Variants in SKI observed in about 807,000 individuals in gnomAD.
SKI encodes ski oncogene.
Under a neutral mutation model 59.3 loss-of-function variants are expected in SKI, and 23 were observed. The observed-to-expected ratio is 0.39, with a 90% confidence interval of 0.28 to 0.55. SKI has a LOEUF of 0.55. Among genes scored for constraint, SKI ranks in the 20% least tolerant of loss-of-function variants. SKI has a pLI of 0.67. For missense variants in SKI, 1,017 were observed against 1,038.9 expected, an observed-to-expected ratio of 0.98 and a Z score of 0.29; for synonymous variants, 673 against 488.6, an observed-to-expected ratio of 1.38 and a Z score of -4.98.
In SKI at chr1:2,228,807, A is replaced by G; in HGVS notation, c.41A>G (p.His14Arg). ...GGCGGCCGCGGCTGTTTCCAGCCGC[A>G]CCCGGGGCTGCAGAAGACGCTGGAG... ...AAGGRGCFQPHPGLQKTLEQF... is the reference protein window; with the variant it reads ...AAGGRGCFQPRPGLQKTLEQF... Residue 14 changes from histidine to arginine, a missense_variant, in exon 1 of 7, where the codon CAC (histidine) becomes CGC (arginine). Transcript: ENST00000378536. 7.6e-7 allele frequency: 1 copy of G among 1,321,764 alleles called. No individual in the cohort carries two copies. 81.9% of individuals were successfully genotyped at this position (1,321,764 alleles called of 1,614,324 possible).
intron 1 of SKI, among the ~76,000 whole-genome samples, chr1:2,293,431 C>T (rs1237963554): frequency 4.6e-5 from 7 of 151,312 alleles, no homozygotes; most frequent in Non-Finnish European, 1.0e-4. Flanking sequence ...GGCGAGGCCC[C>T]CCCCCAACAT....
rs372843926 is a variant in SKI at position 2,283,108 on chromosome 1, C to T, written c.970-19870C>T. 2.5e-3 allele frequency among the ~76,000 whole-genome samples: 385 copies of T among 152,312 alleles called. 3 individuals are homozygous for T. The highest frequency in any genetic ancestry group is 8.8e-3 in the African/African-American group (364 of 41,576). On this transcript the variant is annotated intron_variant, in intron 1 of 6. Transcript: ENST00000378536. ...TGACCCCACGCCATGGCCAGGGAGG[C>T]GCCCCCACCCGGCCCAACCGCCTTT...
intron 1 of SKI, among the ~76,000 whole-genome samples, chr1:2,289,312 C>G (rs552501372): frequency 6.6e-6 from 1 of 152,184 alleles, no homozygotes; most frequent in Non-Finnish European, 1.5e-5. Context: ...GTCTTCATCC[C>G]TCTTCGGTGA....
At position 2,245,831 on chromosome 1, in the gene SKI, C is replaced by G. The variant is rs1215718951; in HGVS notation, c.969+16096C>G. Among the ~76,000 whole-genome samples the G allele has an allele frequency of 5.2e-5, 6 of 114,948 alleles. No individual in the cohort carries two copies. In the East Asian group the frequency reaches 1.2e-3, roughly 24 times the overall value. 75.4% of individuals were successfully genotyped at this position (114,948 alleles called of 152,430 possible). A position where few individuals can be genotyped will look rare whatever the true frequency, so the allele number is the denominator to read the frequency against. On this transcript the variant is annotated intron_variant, in intron 1 of 6. Transcript: ENST00000378536. ...TTTTTTTTTGAGGCAGGGTCTCACT[C>G]TGTTGCCCAGGCCAGAGTGCGGTGG...
rs1313577366 is a variant in SKI, at chr1:2,295,295, G to GAGGGCCGT, written c.970-7683_970-7682insAGGGCCGT. Among the ~76,000 whole-genome samples the GAGGGCCGT allele has an allele frequency of 5.9e-5, 9 of 152,362 alleles. No individual in the cohort carries two copies. The East Asian group carries it at 1.3e-3, about 23-fold the overall frequency. The stretch of plus-strand genomic sequence containing the variant: ...GGCTCCCAGGCATCTCATCCTGTCT[G>GAGGGCCGT]GCTCTGAGGGCCGTGCTGCAGTGAA... On this transcript the variant is annotated intron_variant, in intron 1 of 6. Transcript: ENST00000378536.
chr1:2,263,948 G>GGA (rs993492330), intron 1 of SKI, among the ~76,000 whole-genome samples: 3 of 151,788 alleles, frequency 2.0e-5, no homozygotes, highest in African/African-American at 7.3e-5. Context: ...GGCCAAGGCA[G>GGA]GAGGATCCCT....
At chr1:2,257,782 A>G (rs1440940502) in intron 1 of SKI, among the ~76,000 whole-genome samples, 1 of 152,140 alleles carries the variant, frequency 6.6e-6, no homozygotes, top group Admixed American at 6.6e-5. Flanking sequence ...CTTGTTGCCC[A>G]GGCTGGAGTG....
chr1:2,308,824 G>C lies in SKI; in HGVS notation c.*2059G>C, dbSNP rs1329264846. ...ATGAGCTTTTCCAAGCTGTGTCTGG[G>C]CCAGAGCCTCTCCTTGCCCTTGCTC... On this transcript the variant is annotated 3_prime_UTR_variant, in exon 7 of 7. Coordinates refer to ENST00000378536, the MANE Select transcript of SKI (RefSeq NM_003036.4). 1 of 152,208 alleles carries C rather than the reference G, an allele frequency of 6.6e-6. No homozygotes were observed. The highest frequency in any genetic ancestry group is 1.5e-5 in the Non-Finnish European group (1 of 68,098). 9.4% of individuals were successfully genotyped at this position (152,208 alleles called of 1,614,324 possible).
At chr1:2,251,484 G>T (rs145791795) in intron 1 of SKI, among the ~76,000 whole-genome samples, 1 of 152,098 alleles carries the variant, frequency 6.6e-6, no homozygotes, top group Non-Finnish European at 1.5e-5. Flanking sequence ...GCTCTCAAGC[G>T]CCCTCACGTC....
At chr1:2,275,933 C>T (rs1639733590) in intron 1 of SKI, among the ~76,000 whole-genome samples, 1 of 152,012 alleles carries the variant, frequency 6.6e-6, no homozygotes, top group African/African-American at 2.4e-5. Flanking sequence ...CCCACCCTCC[C>T]TGCCCGGGCA....
intron 1 of SKI, chr1:2,240,537 C>T (rs1274244172): frequency 8.1e-6 from 8 of 985,426 alleles, no homozygotes; most frequent in Non-Finnish European, 9.6e-6. Context: ...GGCTGCGGGA[C>T]TGGGACCGCT....
At chr1:2,271,217 C>A (rs140390306) in intron 1 of SKI, among the ~76,000 whole-genome samples, 2 of 152,272 alleles carry the variant, frequency 1.3e-5, no homozygotes, top group East Asian at 3.9e-4. Flanking sequence ...ACCTCCCAGT[C>A]AGGCCCTGCC....
In SKI at chr1:2,229,704, A is replaced by C; in HGVS notation, c.938A>C (p.Tyr313Ser). 1.3e-6 allele frequency: 2 copies of C among 1,590,750 alleles called. No individual in the cohort carries two copies. The highest frequency in any genetic ancestry group is 2.7e-5 in the African/African-American group (2 of 74,384). The change falls in exon 1 of 7, where the codon TAT becomes TCT. Residue 313 changes from tyrosine (Y) to serine (S), a missense_variant. Tyr to Ser is a moderately radical substitution (Grantham distance 144). Transcript: ENST00000378536. The surrounding 1 kb of genome is among the most constrained non-coding windows in gnomAD (Gnocchi z 6.3). The part of the protein sequence containing the change: ...CLDDVKEKFD[Y>S]GNKYKRRVPR... ...GACGACGTGAAGGAGAAATTCGACT[A>C]TGGCAACAAGTACAAGCGGCGGGTG... is the stretch of plus-strand genomic sequence containing the variant.
At chr1:2,297,333 A>G (rs746893335) in intron 1 of SKI, among the ~76,000 whole-genome samples, 11 of 152,180 alleles carry the variant, frequency 7.2e-5, no homozygotes, top group Non-Finnish European at 1.3e-4. Flanking sequence ...AGCCACACCG[A>G]AGAGAACCTC....
chr1:2,279,778 G>A (rs926803152), intron 1 of SKI, among the ~76,000 whole-genome samples: 3 of 152,188 alleles, frequency 2.0e-5, no homozygotes, highest in African/African-American at 7.2e-5. Flanking sequence ...GCAGTCGTGT[G>A]ATTGGCCTCA....
intron 1 of SKI, among the ~76,000 whole-genome samples, chr1:2,298,413 C>A (rs1331521466): frequency 1.3e-5 from 2 of 152,192 alleles, no homozygotes; most frequent in Non-Finnish European, 2.9e-5. Flanking sequence ...TCCCTTGGAG[C>A]AGGTGTGGTC....
chr1:2,306,185 C>A lies in SKI; in HGVS notation c.1933C>A (p.Arg645=), dbSNP rs764434295. ...LRLKRELEQA[R]QARVCDKGCE... ...CCTGAAGCGGGAGCTGGAGCAGGCG[C>A]GGCAGGCCCGGGTGTGCGACAAGGG... Residue 645 remains arginine (R), a synonymous_variant, in exon 6 of 7, where the codon CGG becomes AGG. Transcript: ENST00000378536. 5.0e-6 allele frequency: 8 copies of A among 1,585,850 alleles called. No homozygotes were observed. In the East Asian group the frequency reaches 9.2e-5, roughly 18 times the overall value.
intron 1 of SKI, among the ~76,000 whole-genome samples, chr1:2,287,602 G>A (rs1323406562): frequency 3.3e-5 from 5 of 152,190 alleles, no homozygotes; most frequent in South Asian, 2.1e-4. Context: ...GTTGGTGGTA[G>A]GTGTGCTCTG....
chr1:2,298,178 G>A (rs1463670982), intron 1 of SKI, among the ~76,000 whole-genome samples: 1 of 152,218 alleles, frequency 6.6e-6, no homozygotes, highest in Admixed American at 6.5e-5. Context: ...AGGCCTCAAT[G>A]TCTGTTTCAG....
Sources: allele counts gnomAD v4.1 joint callset (sites outside exome capture counted in the v4.1 genomes callset), GRCh38; gene constraint gnomAD v4.1.1; non-coding constraint Gnocchi (gnomAD v3.1); transcripts MANE v1.5; gene names NCBI Gene and HGNC (gene_info 2026-07-23, HGNC 2026-07-21).